Variants in RNF121 observed in about 807,000 individuals in gnomAD.
The protein encoded by RNF121 is ring finger protein 121, also known as E3 ubiquitin ligase RNF121.
A neutral mutation model predicts 46.5 loss-of-function variants in RNF121; 21 were observed. The ratio of observed to expected loss-of-function variants is 0.45; its 90% confidence interval spans 0.32 to 0.65. The LOEUF (loss-of-function observed/expected upper bound fraction) is 0.65, where lower values mean the gene tolerates loss of function less well. Among genes scored for constraint, RNF121 ranks in the 30% least tolerant of loss-of-function variants. RNF121 has a pLI of 0.04. For missense variants in RNF121, 346 were observed against 416.0 expected (o/e 0.83, Z 1.46); for synonymous variants, 139 against 144.7 (o/e 0.96, Z 0.28).
intron 3 of RNF121, among the ~76,000 whole-genome samples, chr11:71,975,673 C>T (rs1257015013): frequency 1.3e-5 from 2 of 152,140 alleles, no homozygotes; most frequent in East Asian, 3.8e-4. Context: ...AGCATGGCAT[C>T]CAGTAAGTGC....
chr11:71,958,672 A>T (rs1954051996), intron 2 of RNF121, among the ~76,000 whole-genome samples: 1 of 152,170 alleles, frequency 6.6e-6, no homozygotes, highest in Admixed American at 6.5e-5. Context: ...GCTGCAGTTC[A>T]TCTAGCCTGG....
chr11:71,960,843 C>A lies in RNF121; in HGVS notation c.195C>A (p.Ala65=), dbSNP rs754708390. ...VLILIATLVV[A]QLLLVQWKQR... ...TCCTCATCGCAACCTTGGTGGTGGC[C>A]CAGCTGCTCCTGGTGCAGTGGAAGC... The change falls in exon 3 of 9, where the codon GCC becomes GCA. Residue 65 remains alanine, a synonymous_variant. Coordinates refer to ENST00000361756, the MANE Select transcript of RNF121 (RefSeq NM_018320.5). The A allele has an allele frequency of 3.7e-6, 6 of 1,614,110 alleles. No homozygotes were observed. In the South Asian group the frequency reaches 6.6e-5, roughly 18 times the overall value.
At chr11:71,944,679 A>G (rs1191829623) in intron 1 of RNF121, among the ~76,000 whole-genome samples, 1 of 152,198 alleles carries the variant, frequency 6.6e-6, no homozygotes, top group Non-Finnish European at 1.5e-5. Context: ...TTACTTTCAC[A>G]GGCAGCATTA....
At chr11:71,955,076 G>A (rs1313353575) in intron 1 of RNF121, among the ~76,000 whole-genome samples, 1 of 152,146 alleles carries the variant, frequency 6.6e-6, no homozygotes, top group Non-Finnish European at 1.5e-5. Context: ...CATAAACAGG[G>A]CCAGGACTAG....
intron 3 of RNF121, among the ~76,000 whole-genome samples, chr11:71,972,363 C>T (rs139112857): frequency 2.7e-3 from 405 of 152,240 alleles, no homozygotes; most frequent in African/African-American, 9.1e-3. Flanking sequence ...GCCATTAGAG[C>T]TTTTAAAAAA....
chr11:71,958,818 G>A (rs1954056274), intron 2 of RNF121, among the ~76,000 whole-genome samples: 1 of 152,198 alleles, frequency 6.6e-6, no homozygotes, highest in Non-Finnish European at 1.5e-5. Context: ...AGCAAAGATT[G>A]CAAAAATGAT....
intron 1 of RNF121, among the ~76,000 whole-genome samples, chr11:71,943,652 AT>A (rs1465949031): frequency 1.3e-5 from 2 of 152,222 alleles, no homozygotes; most frequent in Non-Finnish European, 2.9e-5. Context: ...TAGTAAACAG[AT>A]GTAATAATTG....
chr11:71,994,318 G>A (rs892974521), intron 6 of RNF121, among the ~76,000 whole-genome samples: 3 of 152,170 alleles, frequency 2.0e-5, no homozygotes, highest in Non-Finnish European at 2.9e-5. Flanking sequence ...TGTTTTAAAT[G>A]TTGGAGAATA....
At chr11:71,990,515 C>G in intron 5 of RNF121, 82 bp from the exon 6 acceptor site, 1 of 1,542,314 alleles carries the variant, frequency 6.5e-7, no homozygotes, top group Non-Finnish European at 8.8e-7. Flanking sequence ...GCTTTGGGCC[C>G]TGCCTTGTGT....
chr11:71,937,239 T>C (rs1293902224), intron 1 of RNF121, among the ~76,000 whole-genome samples: 1 of 152,226 alleles, frequency 6.6e-6, no homozygotes, highest in East Asian at 1.9e-4. Flanking sequence ...TTATCATTTT[T>C]TCATCTCTGT....
intron 7 of RNF121, chr11:71,995,179 A>G: frequency 1.7e-6 from 1 of 571,822 alleles, no homozygotes; most frequent in Non-Finnish European, 3.1e-6. Context: ...TCTGAATAAC[A>G]CTTGTAATAT....
In RNF121 at chr11:71,929,101, G is replaced by C; in HGVS notation, c.40G>C (p.Ala14Pro). ...VVEVEVGGGA[A>P]GERELDEVDM... ...GGAGGTGGAGGTTGGAGGTGGTGCTGCTGGGGAACGGGAGCTGGATGAGGT... is the reference window on the plus strand; with the variant it reads ...GGAGGTGGAGGTTGGAGGTGGTGCTCCTGGGGAACGGGAGCTGGATGAGGT... Residue 14 changes from alanine (A) to proline (P), a missense_variant, in exon 1 of 9, where the codon GCT becomes CCT. Physicochemically the swap from Ala to Pro is conservative, Grantham distance 27. Coordinates refer to ENST00000361756, the MANE Select transcript of RNF121 (RefSeq NM_018320.5). The C allele has an allele frequency of 6.4e-7, 1 of 1,551,790 alleles. No individual in the cohort carries two copies. The highest frequency in any genetic ancestry group is 1.2e-5 in the South Asian group (1 of 84,044).
intron 1 of RNF121, among the ~76,000 whole-genome samples, chr11:71,944,052 C>T (rs1953654637): frequency 6.6e-6 from 1 of 152,112 alleles, no homozygotes. Flanking sequence ...CTTAGGTTGG[C>T]TGGGCACGGT....
At chr11:71,962,363 A>G in intron 3 of RNF121, 1 of 858,316 alleles carries the variant, frequency 1.2e-6, no homozygotes, top group East Asian at 1.2e-4. Flanking sequence ...CTTTCTTTAA[A>G]CATTATCTTA....
intron 6 of RNF121, 99 bp from the exon 7 acceptor site, chr11:71,994,620 G>A: frequency 2.8e-6 from 4 of 1,419,950 alleles, no homozygotes; most frequent in Non-Finnish European, 3.9e-6. Flanking sequence ...CGCTGCCACT[G>A]TGCCTCTTCT....
intron 1 of RNF121, among the ~76,000 whole-genome samples, chr11:71,946,991 C>T (rs1418559739): frequency 6.6e-6 from 1 of 151,226 alleles, no homozygotes; most frequent in Non-Finnish European, 1.5e-5. Flanking sequence ...CCTCAGCCTC[C>T]CTAGTAGCTG....
intron 1 of RNF121, among the ~76,000 whole-genome samples, chr11:71,934,897 A>T (rs992372504): frequency 1.0e-4 from 15 of 150,652 alleles, no homozygotes; most frequent in Non-Finnish European, 1.5e-5. Context: ...AATACAGATT[A>T]CTTATTCTGT....
chr11:71,934,924 A>C (rs371406502), intron 1 of RNF121, among the ~76,000 whole-genome samples: 1 of 147,264 alleles, frequency 6.8e-6, no homozygotes, highest in East Asian at 2.0e-4. Flanking sequence ...TCCTGTGCCA[A>C]GTGTTCCAAA....
Position 71,980,875 on chromosome 11 carries a change from G to T in RNF121, c.244-1886G>T, listed in dbSNP as rs534278663. 1.8e-4 allele frequency among the ~76,000 whole-genome samples: 27 copies of T among 152,156 alleles called. No individual in the cohort carries two copies. The East Asian group carries it at 3.3e-3, about 18-fold the overall frequency. ...CCATTTCATAAATAATTTTAATCTT[G>T]AATACATATTGAGATATTTTGTATG... On this transcript the variant is annotated intron_variant, in intron 3 of 8. Transcript: ENST00000361756.
Sources: gnomAD v4.1 joint callset for allele counts (sites outside exome capture counted in the v4.1 genomes callset) on GRCh38, gnomAD v4.1.1 for gene constraint, MANE v1.5 for transcripts, NCBI Gene and HGNC (gene_info 2026-07-23, HGNC 2026-07-21) for gene names.